P3H3: variants seen among roughly 807,000 people sequenced by gnomAD.
The protein encoded by P3H3 is gene rich cluster, B.
Under a neutral mutation model 78.1 loss-of-function variants are expected in P3H3, and 64 were observed. That is an observed-to-expected ratio of 0.82 (90% CI 0.67 to 1.01). P3H3 has a LOEUF of 1.01. Ranked by LOEUF, P3H3 falls within the 50% of genes least tolerant of loss-of-function variation. The probability of loss-of-function intolerance (pLI) is 0.00; values close to 1 mark genes in which losing one functional copy is unlikely to be tolerated. For missense variants in P3H3, 975 were observed against 982.2 expected, an observed-to-expected ratio of 0.99 and a Z score of 0.10; for synonymous variants, 425 against 416.7, an observed-to-expected ratio of 1.02 and a Z score of -0.24.
intron 13 of P3H3, among the ~76,000 whole-genome samples, chr12:6,838,645 C>A (rs1555122569): frequency 6.6e-6 from 1 of 151,994 alleles, no homozygotes; most frequent in African/African-American, 2.4e-5. Context: ...GTTCCAATAT[C>A]TGTATCCCCT....
Position 6,839,061 on chromosome 12 carries a change from A to C in P3H3, c.1967A>C (p.His656Pro), listed in dbSNP as rs782580845. Residue 656 changes from histidine to proline, a missense_variant, in exon 14 of 15, where the codon CAT (histidine) becomes CCT (proline). Physicochemically the swap from His to Pro is moderately conservative, Grantham distance 77 (BLOSUM62 -2). Transcript: ENST00000290510. ...TTCAGCTCCGGTGTCGAGAATCCCC[A>C]TGGGGTGTGGGCCGTGACTCGGGGA... ...VAFSSGVENP[H>P]GVWAVTRGRR... 2 of 1,611,980 alleles carry C rather than the reference A, an allele frequency of 1.2e-6. No homozygotes were observed. The highest frequency in any genetic ancestry group is 3.3e-5 in the Admixed American group (2 of 59,852).
rs782171760 is a variant in P3H3 at position 6,833,987 on chromosome 12, C to T, written c.1396C>T (p.Arg466Trp). 40 of 1,613,656 alleles carry T rather than the reference C, an allele frequency of 2.5e-5. No homozygotes were observed. Among genetic ancestry groups the T allele is most frequent in the African/African-American group, 4.0e-5 (3 of 74,910 alleles). The part of the protein sequence containing the change: ...QDSRQLNGSE[R>W]AVLDGLLTPA... ...TTCCAGGCAGCTGAATGGGTCGGAGCGGGCGGTGTTGGATGGGCTGCTCAC... is the reference window on the plus strand; with the variant it reads ...TTCCAGGCAGCTGAATGGGTCGGAGTGGGCGGTGTTGGATGGGCTGCTCAC... The change falls in exon 9 of 15, where the codon CGG becomes TGG. Residue 466 changes from arginine to tryptophan, a missense_variant. By Grantham distance (101) the Arg-to-Trp change is moderately radical. Transcript: ENST00000290510.
At chr12:6,837,912 G>A (rs1565514590) in intron 12 of P3H3, 46 bp from the exon 13 acceptor site, 1 of 1,591,602 alleles carries the variant, frequency 6.3e-7, no homozygotes, top group Non-Finnish European at 8.6e-7. Flanking sequence ...TGCCGGCCTG[G>A]GCCTGGGTTG....
chr12:6,832,789 A>G lies in P3H3; in HGVS notation c.1213-803A>G, dbSNP rs186940849. On this transcript the variant is annotated intron_variant, in intron 6 of 14. Transcript: ENST00000290510. ...GCTAATTTTTGTATTTTTAGTAGAG[A>G]TGGGGTTTCACCATGTTGGCCAGGC... 6.9e-3 allele frequency among the ~76,000 whole-genome samples: 1,042 copies of G among 150,942 alleles called. 12 individuals are homozygous for G. The highest frequency in any genetic ancestry group is 0.024 in the African/African-American group (983 of 41,208).
chr12:6,833,885 G>A, intron 8 of P3H3, 40 bp from the exon 9 acceptor site: 3 of 1,613,942 alleles, frequency 1.9e-6, no homozygotes, highest in Non-Finnish European at 2.5e-6. Context: ...CTGCCCTTAG[G>A]GGATGCTCAG....
rs1320441670 is a variant in P3H3, at chr12:6,837,542, C to T, written c.1680C>T (p.Phe560=). ...CGGAACGGCCCCTGCATCTGTCCTTCACCCACCTGGTGTGCCGCAGCGCCA... is the reference window on the plus strand; with the variant it reads ...CGGAACGGCCCCTGCATCTGTCCTTTACCCACCTGGTGTGCCGCAGCGCCA... ...FSPERPLHLS[F]THLVCRSAIE... is the part of the protein sequence containing the mutation. The change falls in exon 11 of 15, where the codon TTC becomes TTT. Residue 560 remains phenylalanine (F), a synonymous_variant. Coordinates refer to ENST00000290510, the MANE Select transcript of P3H3 (RefSeq NM_014262.5). The T allele has an allele frequency of 8.1e-6, 13 of 1,612,508 alleles. No individual in the cohort carries two copies. The highest frequency in any genetic ancestry group is 1.1e-5 in the Non-Finnish European group (13 of 1,179,388).
chr12:6,830,665 C>T lies in P3H3; in HGVS notation c.880C>T (p.Arg294Trp), dbSNP rs782204273. The change falls in exon 4 of 15, where the codon CGG becomes TGG. Residue 294 changes from arginine to tryptophan, a missense_variant. Arg to Trp is a moderately radical substitution (Grantham distance 101, BLOSUM62 -3). Transcript: ENST00000290510. ...AGHWIQVLQCRQRCVGETATR... is the reference protein window; with the variant it reads ...AGHWIQVLQCWQRCVGETATR... ...ACACTGGATTCAGGTCCTGCAGTGC[C>T]GGCAACGCTGTGTGGGGGAAACAGC... The T allele has an allele frequency of 9.9e-6, 16 of 1,612,884 alleles. No individual in the cohort carries two copies. The East Asian group carries it at 1.3e-4, about 13-fold the overall frequency.
intron 2 of P3H3, 71 bp downstream of exon 2, chr12:6,830,082 C>T (rs1286187305): frequency 6.3e-7 from 1 of 1,583,012 alleles, no homozygotes; most frequent in Non-Finnish European, 8.6e-7. Context: ...CCTCACTAAA[C>T]TGTGCGTTGT....
Position 6,831,424 on chromosome 12 carries a change from C to T in P3H3, c.1122+72C>T. On this transcript the variant is annotated intron_variant, in intron 5 of 14. Transcript: ENST00000290510. This position sits in a 1 kb window ranked among gnomAD's most constrained non-coding sequence, Gnocchi z 4.6. ...AAATAGACCTGAGAAGTAACCTGGACCCCCACCCCCCGCTGGCCTCTTACC... is the reference window on the plus strand; with the variant it reads ...AAATAGACCTGAGAAGTAACCTGGATCCCCACCCCCCGCTGGCCTCTTACC... The T allele has an allele frequency of 1.3e-6, 2 of 1,581,926 alleles. No homozygotes were observed. The highest frequency in any genetic ancestry group is 1.7e-6 in the Non-Finnish European group (2 of 1,165,904).
rs1261010478 is a variant in P3H3, at chr12:6,828,897, C to T, written c.457C>T (p.Arg153Cys). The T allele has an allele frequency of 4.0e-6, 5 of 1,246,546 alleles. No homozygotes were observed. In the African/African-American group the frequency reaches 6.2e-5, roughly 15 times the overall value. The allele number at this position is 1,246,546 out of a possible 1,614,324, so 77.2% of individuals were successfully genotyped here. A position where few individuals can be genotyped will look rare whatever the true frequency, so the allele number is the denominator to read the frequency against. Reference protein sequence around the residue: ...VGSALRDAFRRREPYNYLQRA... With the variant: ...VGSALRDAFRCREPYNYLQRA... ...GAGCGCGCTCCGGGACGCCTTCCGC[C>T]GTCGGGAGCCCTACAACTACCTGCA... The change falls in exon 1 of 15, where the codon CGT becomes TGT. Residue 153 changes from arginine to cysteine, a missense_variant. Arg to Cys is a radical substitution (Grantham distance 180). Coordinates refer to ENST00000290510, the MANE Select transcript of P3H3 (RefSeq NM_014262.5).
At position 6,838,066 on chromosome 12, in the gene P3H3, A is replaced by G. The variant is rs377167704; in HGVS notation, c.1905+33A>G. On this transcript the variant is annotated intron_variant, in intron 13 of 14. Transcript: ENST00000290510. ...GAGTGGGGGGTGTGACGGTGTGACAAAGGGCCCAGCTGTGGGGTCAGGATT... is the reference window on the plus strand; with the variant it reads ...GAGTGGGGGGTGTGACGGTGTGACAGAGGGCCCAGCTGTGGGGTCAGGATT... 9 of 1,575,280 alleles carry G rather than the reference A, an allele frequency of 5.7e-6. No individual in the cohort carries two copies. The African/African-American group carries it at 6.8e-5, about 12-fold the overall frequency.
chr12:6,837,563 C>A lies in P3H3; in HGVS notation c.1701C>A (p.Ser567Arg). 6.2e-7 allele frequency: 1 copy of A among 1,612,264 alleles called. No homozygotes were observed. Among genetic ancestry groups the A allele is most frequent in the South Asian group, 1.1e-5 (1 of 90,736 alleles). Reference protein sequence around the residue: ...HLSFTHLVCRSAIEGEQEQRM... With the variant: ...HLSFTHLVCRRAIEGEQEQRM... ...CCTTCACCCACCTGGTGTGCCGCAG[C>A]GCCATAGAAGGTACGACAGGGACCC... is the stretch of plus-strand genomic sequence containing the variant. Residue 567 changes from serine (S) to arginine (R), a missense_variant, in exon 11 of 15, where the codon AGC (serine) becomes AGA (arginine). Ser to Arg is a moderately radical substitution (Grantham distance 110). Transcript: ENST00000290510.
chr12:6,830,150 C>G, intron 2 of P3H3, 139 bp downstream of exon 2: 2 of 1,172,106 alleles, frequency 1.7e-6, no homozygotes, highest in Non-Finnish European at 2.4e-6. Flanking sequence ...GGGAGTCCTT[C>G]TCTAGGACTT....
Position 6,837,481 on chromosome 12 carries a change from A to T in P3H3, c.1619A>T (p.Glu540Val), listed in dbSNP as rs782130906. 6.2e-7 allele frequency: 1 copy of T among 1,611,562 alleles called. No homozygotes were observed. The change falls in exon 11 of 15, where the codon GAG becomes GTG. Residue 540 changes from glutamate to valine, a missense_variant. By Grantham distance (121) the Glu-to-Val change is moderately radical (BLOSUM62 -2). Transcript: ENST00000290510. ...GCTAAGCTGCTTCTGGAGGTGAGCG[A>T]GCGGGTGCGGACCTTGACCCAGGCC... ...QGAKLLLEVS[E>V]RVRTLTQAYF...
At position 6,837,548 on chromosome 12, in the gene P3H3, C is replaced by T; in HGVS notation, c.1686C>T (p.His562=). The change falls in exon 11 of 15, where the codon CAC becomes CAT. Residue 562 remains histidine (H), a synonymous_variant. Coordinates refer to ENST00000290510, the MANE Select transcript of P3H3 (RefSeq NM_014262.5). The part of the protein sequence containing the change: ...PERPLHLSFT[H]LVCRSAIEGE... ...GGCCCCTGCATCTGTCCTTCACCCACCTGGTGTGCCGCAGCGCCATAGAAG... is the reference window on the plus strand; with the variant it reads ...GGCCCCTGCATCTGTCCTTCACCCATCTGGTGTGCCGCAGCGCCATAGAAG... 1.2e-6 allele frequency: 2 copies of T among 1,612,686 alleles called. No individual in the cohort carries two copies. The highest frequency in any genetic ancestry group is 1.1e-5 in the South Asian group (1 of 90,818).
rs1555121824 is a variant in P3H3, at chr12:6,834,047, A to T, written c.1456A>T (p.Lys486Ter). The change falls in exon 9 of 15, where the codon AAG becomes TAG. Residue 486 changes from lysine (K) to a stop codon, truncating the protein, a stop_gained and splice_region_variant. Coordinates refer to ENST00000290510, the MANE Select transcript of P3H3 (RefSeq NM_014262.5). LOFTEE classifies it high-confidence loss of function. The stretch of plus-strand genomic sequence containing the variant: ...GTGTGGGGTGCTGCTGCAGCTGGCT[A>T]AGGTAGGAAGACCTGCAAGCTCATC... Reference protein sequence around the residue: ...AECGVLLQLAKDAAGAGARSG... With the variant: ...AECGVLLQLA 1.2e-6 allele frequency: 2 copies of T among 1,613,334 alleles called. No individual in the cohort carries two copies. The highest frequency in any genetic ancestry group is 3.3e-5 in the Admixed American group (2 of 60,020).
intron 12 of P3H3, 33 bp from the exon 13 acceptor site, chr12:6,837,925 G>A (rs1555122469): frequency 3.1e-6 from 5 of 1,593,914 alleles, no homozygotes; most frequent in Non-Finnish European, 3.4e-6. Flanking sequence ...CTGGGTTGGG[G>A]TCTCACTGCC....
At chr12:6,834,436 G>A (rs1360786521) in intron 9 of P3H3, among the ~76,000 whole-genome samples, 2 of 152,110 alleles carry the variant, frequency 1.3e-5, no homozygotes, top group East Asian at 1.9e-4. Flanking sequence ...CCAGGTTGAG[G>A]CTACCATTTT....
intron 6 of P3H3, among the ~76,000 whole-genome samples, chr12:6,832,615 T>G (rs1233632196): frequency 6.6e-6 from 1 of 152,038 alleles, no homozygotes; most frequent in East Asian, 2.0e-4. Flanking sequence ...TTATTTTTAT[T>G]TTTGGAGACA....
Sources: gnomAD v4.1 joint callset for allele counts (sites outside exome capture counted in the v4.1 genomes callset) on GRCh38, gnomAD v4.1.1 for gene constraint, Gnocchi (gnomAD v3.1) non-coding constraint, MANE v1.5 for transcripts, NCBI Gene and HGNC (gene_info 2026-07-23, HGNC 2026-07-21) for gene names.